Variants in MLXIP observed in about 807,000 individuals in gnomAD.
The protein encoded by MLXIP is MLX-interacting protein.
In MLXIP, 30 loss-of-function variants were observed where a neutral mutation model predicts 87.2. The ratio of observed to expected loss-of-function variants is 0.34; its 90% CI spans 0.26 to 0.47. MLXIP has a LOEUF of 0.47. MLXIP is among the 20% of genes least tolerant of loss of function. The pLI, the probability that MLXIP is intolerant of heterozygous loss-of-function variation, is 1.00. For missense variants in MLXIP, 1,002 were observed against 1,240.1 expected, an observed-to-expected ratio of 0.81 and a Z score of 2.88; for synonymous variants, 530 against 514.0, an observed-to-expected ratio of 1.03 and a Z score of -0.42.
chr12:122,140,719 G>C, intron 15 of MLXIP: 1 of 626,510 alleles, frequency 1.6e-6, no homozygotes, highest in South Asian at 1.7e-5. Context: ...CCTGTCCCCT[G>C]CCTGCTCGGT....
At chr12:122,115,524 G>A (rs1952676469) in intron 1 of MLXIP, among the ~76,000 whole-genome samples, 1 of 144,394 alleles carries the variant, frequency 6.9e-6, no homozygotes, top group Admixed American at 7.1e-5. Context: ...GGAGGCAGAG[G>A]TTGCAGTGAG....
At chr12:122,091,042 G>T (rs1952238787) in intron 1 of MLXIP, among the ~76,000 whole-genome samples, 2 of 152,090 alleles carry the variant, frequency 1.3e-5, no homozygotes, top group African/African-American at 2.4e-5. Flanking sequence ...GGTGGCGATG[G>T]TTACATAACT....
rs1555230217 is a variant in MLXIP, at chr12:122,114,758, TG to T, written c.414-12490del. On this transcript the variant is annotated intron_variant, in intron 1 of 16. Transcript: ENST00000319080. ...ACTTCTTTTTTTTTTTTTTTTTTGG[TG>T]GGGGGGGACAGGGTCTCACTCTGTT... Among the ~76,000 whole-genome samples the T allele has an allele frequency of 8.9e-5, 12 of 135,264 alleles. No homozygotes were observed. In the East Asian group the frequency reaches 1.3e-3, roughly 15 times the overall value. The allele number at this position is 135,264 out of a possible 152,430, so 88.7% of individuals were successfully genotyped here. A position where few individuals can be genotyped will look rare whatever the true frequency, so the allele number is the denominator to read the frequency against.
At chr12:122,129,693 C>G in intron 5 of MLXIP, 64 bp downstream of exon 5, 1 of 1,582,450 alleles carries the variant, frequency 6.3e-7, no homozygotes, top group Non-Finnish European at 8.6e-7. Context: ...ACTTCGGTGG[C>G]CCACCAGGGA....
At chr12:122,080,753 T>C (rs1164918328) in intron 1 of MLXIP, among the ~76,000 whole-genome samples, 6 of 152,180 alleles carry the variant, frequency 3.9e-5, no homozygotes, top group Admixed American at 3.9e-4. Flanking sequence ...TGCAGCCCTG[T>C]GCGCCCTCCA....
rs1953278186 is a variant in MLXIP at position 122,145,138 on chromosome 12, A to G, written c.*3326A>G. ...GGCTGGCTAGCTGCCTTCTTAGGAC[A>G]TCTCTACTTTGAAGGATTTTACCGC... is the stretch of plus-strand genomic sequence containing the variant. On this transcript the variant is annotated 3_prime_UTR_variant, in exon 17 of 17. Coordinates refer to ENST00000319080, the MANE Select transcript of MLXIP (RefSeq NM_014938.6). The G allele has an allele frequency of 6.6e-6, 1 of 152,210 alleles. No homozygotes were observed. The highest frequency in any genetic ancestry group is 6.5e-5 in the Admixed American group (1 of 15,286). The allele number at this position is 152,210 out of a possible 1,614,324, so 9.4% of individuals were successfully genotyped here.
At chr12:122,087,260 G>C (rs889838162) in intron 1 of MLXIP, among the ~76,000 whole-genome samples, 1 of 152,218 alleles carries the variant, frequency 6.6e-6, no homozygotes, top group African/African-American at 2.4e-5. Context: ...TGGGGATACA[G>C]TGGTAAGCAA....
chr12:122,141,618 A>G, intron 16 of MLXIP, 73 bp from the exon 17 acceptor site: 3 of 1,571,958 alleles, frequency 1.9e-6, no homozygotes, highest in Admixed American at 1.7e-5. Context: ...CATGGGTTGT[A>G]GGTACAAAGC....
chr12:122,125,919 C>G (rs1204441933), intron 1 of MLXIP, among the ~76,000 whole-genome samples: 2 of 152,212 alleles, frequency 1.3e-5, no homozygotes, highest in African/African-American at 4.8e-5. Context: ...GTTCCAGGTT[C>G]ACAGAATGTT....
chr12:122,105,493 G>A (rs1050674540), intron 1 of MLXIP, among the ~76,000 whole-genome samples: 5 of 151,776 alleles, frequency 3.3e-5, no homozygotes, highest in African/African-American at 1.2e-4. Context: ...GATTACAGCC[G>A]TGCCCGGCTA....
chr12:122,108,498 G>A (rs1397904366), intron 1 of MLXIP, among the ~76,000 whole-genome samples: 1 of 151,826 alleles, frequency 6.6e-6, no homozygotes, highest in Non-Finnish European at 1.5e-5. Flanking sequence ...CATAACACGA[G>A]GACTGAAACT....
At chr12:122,082,270 T>C (rs546798525) in intron 1 of MLXIP, among the ~76,000 whole-genome samples, 7 of 152,234 alleles carry the variant, frequency 4.6e-5, no homozygotes, top group Non-Finnish European at 1.0e-4. Flanking sequence ...GCGAAGGGTC[T>C]TGATTTGGTC....
At chr12:122,138,961 C>G (rs1953146843) in intron 15 of MLXIP, 23 bp downstream of exon 15, 1 of 1,613,086 alleles carries the variant, frequency 6.2e-7, no homozygotes. Context: ...TTTCTTTTTG[C>G]TCTTCCCGGC....
In MLXIP at chr12:122,129,145, C is replaced by T. The variant is rs779577621; in HGVS notation, c.615C>T (p.Thr205=). 32 of 1,608,934 alleles carry T rather than the reference C, an allele frequency of 2.0e-5. No individual in the cohort carries two copies. Among genetic ancestry groups the T allele is most frequent in the Non-Finnish European group, 1.9e-5 (22 of 1,177,736 alleles). Residue 205 remains threonine (T), a synonymous_variant, in exon 4 of 17, where the codon ACC becomes ACT. Coordinates refer to ENST00000319080, the MANE Select transcript of MLXIP (RefSeq NM_014938.6). The part of the protein sequence containing the change: ...VDEHRRPEAI[T]TEGKYWKSRI... Reference sequence around the variant, plus strand: ...CTCTGTCCCTGTCCTAGGCCATCACCACGGAAGGGAAGTACTGGAAGAGCC... The same window carrying T: ...CTCTGTCCCTGTCCTAGGCCATCACTACGGAAGGGAAGTACTGGAAGAGCC...
chr12:122,116,421 TG>T (rs1952692748), intron 1 of MLXIP, among the ~76,000 whole-genome samples: 2 of 152,004 alleles, frequency 1.3e-5, no homozygotes, highest in Admixed American at 1.3e-4. Context: ...TCAGAAAATA[TG>T]GGGCACATGG....
rs1250901107 is a variant in MLXIP at position 122,078,812 on chromosome 12, T to TTGCCCCGGGCTCCGGGGGA, written c.-35_-17dup. On this transcript the variant is annotated 5_prime_UTR_variant, in exon 1 of 17. The change creates a new upstream start codon in the 5' untranslated region. Coordinates refer to ENST00000319080, the MANE Select transcript of MLXIP (RefSeq NM_014938.6). ...CCCTCTGCCTCGCGCGCTTGTCGCG[T>TTGCCCCGGGCTCCGGGGGA]TGCCCCGGGCTCCGGGGGATGCCCC... 1.9e-6 allele frequency: 2 copies of TTGCCCCGGGCTCCGGGGGA among 1,030,334 alleles called. No homozygotes were observed. Among genetic ancestry groups the TTGCCCCGGGCTCCGGGGGA allele is most frequent in the Non-Finnish European group, 2.3e-6 (2 of 860,878 alleles). The allele number at this position is 1,030,334 out of a possible 1,614,324, so 63.8% of individuals were successfully genotyped here.
At chr12:122,113,842 GC>G (rs1407990955) in intron 1 of MLXIP, among the ~76,000 whole-genome samples, 6 of 151,336 alleles carry the variant, frequency 4.0e-5, no homozygotes, top group African/African-American at 1.5e-4. Context: ...CCGCCAGCAT[GC>G]CTGGCTAACT....
In MLXIP at chr12:122,135,298, A is replaced by G; in HGVS notation, c.1807A>G (p.Thr603Ala). ...GAAGAGAGAAGGGATGTTGGCCTCC[A>G]CCGTGTCCCAGTCCAACGTGGTCAT... is the stretch of plus-strand genomic sequence containing the variant. ...PLKREGMLAS[T>A]VSQSNVVIAP... The change falls in exon 10 of 17, where the codon ACC (threonine) becomes GCC (alanine). Residue 603 changes from threonine to alanine, a missense_variant. This residue lies in a region of MLXIP where 746 missense variants were observed against 897.0 expected (regional missense o/e 0.83). Transcript: ENST00000319080. This position sits in a 1 kb window ranked among gnomAD's most constrained non-coding sequence, Gnocchi z 5.3. 6.2e-7 allele frequency: 1 copy of G among 1,613,684 alleles called. No individual in the cohort carries two copies. The highest frequency in any genetic ancestry group is 8.5e-7 in the Non-Finnish European group (1 of 1,179,870).
intron 1 of MLXIP, among the ~76,000 whole-genome samples, chr12:122,126,682 T>C (rs1026416842): frequency 2.6e-5 from 4 of 152,162 alleles, no homozygotes; most frequent in African/African-American, 9.7e-5. Context: ...TTTCTTCTAA[T>C]TTTTAGTTAT....
Sources: gnomAD v4.1 joint callset for allele counts (sites outside exome capture counted in the v4.1 genomes callset) on GRCh38, gnomAD v4.1.1 for gene constraint, gnomAD v4.1.1 regional missense constraint, Gnocchi (gnomAD v3.1) non-coding constraint, MANE v1.5 for transcripts, NCBI Gene and HGNC (gene_info 2026-07-23, HGNC 2026-07-21) for gene names.